Variants in PWWP2A observed in about 807,000 individuals in gnomAD.
The protein encoded by PWWP2A is PWWP domain containing 2A.
A neutral mutation model predicts 48.5 loss-of-function variants in PWWP2A; 18 were observed. The observed-to-expected ratio is 0.37, with a 90% CI of 0.26 to 0.55. The LOEUF (loss-of-function observed/expected upper bound fraction) is 0.55. Ranked by LOEUF, PWWP2A falls within the 20% of genes least tolerant of loss-of-function variation. PWWP2A has a pLI of 0.81. For missense variants in PWWP2A, 867 were observed against 976.4 expected (o/e 0.89, Z 1.49); for synonymous variants, 396 against 387.7 (o/e 1.02, Z -0.25).
chr5:160,063,668 G>A (rs1321059190), exon 5 of PWWP2A: 1 of 152,214 alleles, frequency 6.6e-6, no homozygotes, highest in Non-Finnish European at 1.5e-5. Context: ...TCCACTGGAA[G>A]TAGACCTGTA....
chr5:160,089,448 G>T, downstream of PWWP2A: 1 of 925,116 alleles, frequency 1.1e-6, no homozygotes. Flanking sequence ...CGGGCCTCAA[G>T]CAATCATCCC....
chr5:160,088,506 T>C (rs1475311766), downstream of PWWP2A, among the ~76,000 whole-genome samples: 2 of 152,172 alleles, frequency 1.3e-5, no homozygotes, highest in Non-Finnish European at 2.9e-5. Flanking sequence ...TGCCTCAGCC[T>C]CCCTAAGTGC....
At chr5:160,088,971 G>A (rs1209350342), downstream of PWWP2A, among the ~76,000 whole-genome samples, 1 of 152,138 alleles carries the variant, frequency 6.6e-6, no homozygotes, top group Non-Finnish European at 1.5e-5. Flanking sequence ...AGATACTCAG[G>A]CTCACTAGTG....
chr5:160,065,599 C>T (rs1362684644), intron 4 of PWWP2A: 2 of 335,084 alleles, frequency 6.0e-6, no homozygotes. Context: ...CAGAAGCCTT[C>T]TCTGGCTTTG....
At chr5:160,069,935 T>G (rs1241378074) in intron 2 of PWWP2A, among the ~76,000 whole-genome samples, 2 of 152,204 alleles carry the variant, frequency 1.3e-5, no homozygotes, top group Non-Finnish European at 2.9e-5. Context: ...TTCCATCAAG[T>G]CTTGTGTTTT....
At chr5:160,094,756 C>G (rs1755434120) in intron 1 of PWWP2A, among the ~76,000 whole-genome samples, 1 of 151,940 alleles carries the variant, frequency 6.6e-6, no homozygotes, top group Non-Finnish European at 1.5e-5. Flanking sequence ...AATAAAAACA[C>G]TTAGGAATGG....
At chr5:160,053,035 G>C in the PWWP2A span, among the ~76,000 whole-genome samples, 1 of 152,130 alleles carries the variant, frequency 6.6e-6, no homozygotes, top group African/African-American at 2.4e-5. Context: ...CCCCACAATA[G>C]ATAACCTAGA....
chr5:160,087,099 G>A (rs1237710282), downstream of PWWP2A, among the ~76,000 whole-genome samples: 1 of 152,070 alleles, frequency 6.6e-6, no homozygotes, highest in South Asian at 2.1e-4. Flanking sequence ...GACACTGGCC[G>A]AGCACGGTGG....
At chr5:160,079,691 A>T (rs1175288572) in intron 3 of PWWP2A, among the ~76,000 whole-genome samples, 1 of 152,226 alleles carries the variant, frequency 6.6e-6, no homozygotes, top group Non-Finnish European at 1.5e-5. Flanking sequence ...ATTTAAGTTC[A>T]GTTAAAATCT....
chr5:160,112,126 C>CA (rs11480893), intron 1 of PWWP2A, among the ~76,000 whole-genome samples: 66,365 of 90,706 alleles, frequency 0.73, 23,541 homozygotes, highest in South Asian at 0.75. Context: ...GACCCTTTCT[C>CA]AAAAAAAAAA....
At chr5:160,052,548 CAAAAAAAAAAAAAA>C in the PWWP2A span, among the ~76,000 whole-genome samples, 9 of 68,070 alleles carry the variant, frequency 1.3e-4, no homozygotes, top group Non-Finnish European at 1.8e-4. Context: ...TCTATTTTAG[CAAAAAAAAAAAAAA>C]AAAAAAAAAA....
chr5:160,089,101 T>G (rs73817277), downstream of PWWP2A, among the ~76,000 whole-genome samples: 10,488 of 152,198 alleles, frequency 0.069, 453 homozygotes, highest in Admixed American at 0.13. Flanking sequence ...TATTTACAGA[T>G]TTTTTTCCCC....
At chr5:160,069,950 A>G (rs1235117286) in intron 2 of PWWP2A, among the ~76,000 whole-genome samples, 1 of 152,158 alleles carries the variant, frequency 6.6e-6, no homozygotes, top group Admixed American at 6.5e-5. Context: ...TGTTTTCTGT[A>G]TATTCCCACA....
At chr5:160,049,078 C>T in the PWWP2A span, among the ~76,000 whole-genome samples, 1 of 152,308 alleles carries the variant, frequency 6.6e-6, no homozygotes, top group South Asian at 2.1e-4. Context: ...TGGCAAACTA[C>T]AGCCACAAGC....
In PWWP2A at chr5:160,093,495, C is replaced by A; in HGVS notation, c.1155G>T (p.Val385=). The part of the protein sequence containing the change: ...NQNESQKRNA[V]VKVSNIAHSR... ...TGTGAGCAATATTTGAAACCTTAAC[C>A]ACAGCATTTCTTTTCTGGCTTTCAT... Residue 385 remains valine, a synonymous_variant, in exon 2 of 2, where the codon GTG becomes GTT. Coordinates refer to ENST00000307063, the MANE Select transcript of PWWP2A (RefSeq NM_001130864.2). This position sits in a 1 kb window ranked among gnomAD's most constrained non-coding sequence, Gnocchi z 5.8. 6.2e-7 allele frequency: 1 copy of A among 1,613,902 alleles called. No individual in the cohort carries two copies. Among genetic ancestry groups the A allele is most frequent in the Non-Finnish European group, 8.5e-7 (1 of 1,179,864 alleles).
chr5:160,109,786 T>TATATATATATATATAAAATAATATAATA, intron 1 of PWWP2A, among the ~76,000 whole-genome samples: 1 of 113,374 alleles, frequency 8.8e-6, no homozygotes, highest in East Asian at 2.6e-4. Context: ...TATATATATA[T>TATATATATATATATAAAATAATATAATA]ATATATATAT....
rs1273566683 is a variant in PWWP2A, at chr5:160,091,695, G to A, written c.*687C>T. 19 of 984,956 alleles carry A rather than the reference G, an allele frequency of 1.9e-5. No individual in the cohort carries two copies. Among genetic ancestry groups the A allele is most frequent in the Non-Finnish European group, 2.2e-5 (18 of 829,824 alleles). 61.0% of individuals were successfully genotyped at this position (984,956 alleles called of 1,614,324 possible). ...TTTATTAAATCCCCACTGGACGAAA[G>A]ACAGTGATGACTAACACCTATCCAG... On this transcript the variant is annotated 3_prime_UTR_variant, in exon 2 of 2. Coordinates refer to ENST00000307063, the MANE Select transcript of PWWP2A (RefSeq NM_001130864.2).
downstream of PWWP2A, among the ~76,000 whole-genome samples, chr5:160,073,341 G>A (rs1317910387): frequency 6.6e-6 from 1 of 151,188 alleles, no homozygotes. Flanking sequence ...CCATCCTCCT[G>A]CCTCAGCCTC....
chr5:160,057,726 C>T (rs1757579310), downstream of PWWP2A, among the ~76,000 whole-genome samples: 1 of 152,192 alleles, frequency 6.6e-6, no homozygotes, highest in Admixed American at 6.5e-5. This position sits in a 1 kb window ranked among gnomAD's most constrained non-coding sequence, Gnocchi z 4.4. Flanking sequence ...TCAAACCCTG[C>T]TGCTGCTTTA....
Sources: allele counts gnomAD v4.1 joint callset (sites outside exome capture counted in the v4.1 genomes callset), GRCh38; gene constraint gnomAD v4.1.1; non-coding constraint Gnocchi (gnomAD v3.1); transcripts MANE v1.5; gene names NCBI Gene and HGNC (gene_info 2026-07-23, HGNC 2026-07-21).